NCOA2: variants seen among roughly 807,000 people sequenced by gnomAD.
NCOA2 encodes class E basic helix-loop-helix protein 75.
NCOA2 carries 21 observed loss-of-function variants against 145.1 expected under a neutral mutation model. The ratio of observed to expected loss-of-function variants is 0.14; its 90% CI spans 0.10 to 0.21. NCOA2 has a LOEUF of 0.21. NCOA2 is among the 10% of genes least tolerant of loss of function. NCOA2 has a pLI of 1.00. For missense variants in NCOA2, 1,472 were observed against 1,837.6 expected, an observed-to-expected ratio of 0.80 and a Z score of 3.64; for synonymous variants, 619 against 637.5, an observed-to-expected ratio of 0.97 and a Z score of 0.44.
chr8:70,441,931 A>G, the NCOA2 span, among the ~76,000 whole-genome samples: 4 of 146,906 alleles, frequency 2.7e-5, no homozygotes, highest in East Asian at 8.2e-4. Flanking sequence ...CAGGTGGGAG[A>G]AGAAGAAGAA....
At chr8:70,435,396 G>C in the NCOA2 span, among the ~76,000 whole-genome samples, 1 of 118,754 alleles carries the variant, frequency 8.4e-6, no homozygotes, top group African/African-American at 3.3e-5. Context: ...CTGCAGTCCA[G>C]CTTGGGCGAA....
At chr8:70,175,131 A>G (rs1237261238) in intron 4 of NCOA2, among the ~76,000 whole-genome samples, 1 of 152,210 alleles carries the variant, frequency 6.6e-6, no homozygotes, top group East Asian at 1.9e-4. Context: ...AGTCCCCAAC[A>G]GGCATTTTTT....
At chr8:70,361,997 C>G (rs1810247746) in intron 1 of NCOA2, among the ~76,000 whole-genome samples, 1 of 152,180 alleles carries the variant, frequency 6.6e-6, no homozygotes. Flanking sequence ...TCTTCAGTAG[C>G]TGTTAAAACA....
intron 2 of NCOA2, among the ~76,000 whole-genome samples, chr8:70,223,294 T>C (rs1190289926): frequency 6.6e-6 from 1 of 152,210 alleles, no homozygotes; most frequent in Non-Finnish European, 1.5e-5. Context: ...AATTTTGTTA[T>C]GAGATTAAAA....
chr8:70,342,362 A>G lies in NCOA2; in HGVS notation c.-76-45562T>C, dbSNP rs1051503659. 4.1e-4 allele frequency among the ~76,000 whole-genome samples: 62 copies of G among 152,174 alleles called. 1 individual carries two copies. The highest frequency in any genetic ancestry group is 2.6e-4 in the Admixed American group (4 of 15,280). On this transcript the variant is annotated intron_variant, in intron 1 of 22. Coordinates refer to ENST00000452400, the MANE Select transcript of NCOA2 (RefSeq NM_006540.4). ...AAGCTTCTCTTACTAAGTGGCTTTC[A>G]TAAGTCAACTTTGAAGTTTTCAGAA...
chr8:70,455,730 T>G, the NCOA2 span, among the ~76,000 whole-genome samples: 1 of 152,032 alleles, frequency 6.6e-6, no homozygotes, highest in Non-Finnish European at 1.5e-5. Context: ...TTTCAAAAGT[T>G]TCCAGATAAC....
chr8:70,125,070 C>G (rs950417158), intron 19 of NCOA2, among the ~76,000 whole-genome samples: 5 of 152,032 alleles, frequency 3.3e-5, no homozygotes, highest in African/African-American at 1.2e-4. Flanking sequence ...CATACTGATT[C>G]CCCTTAGTAG....
Position 70,398,483 on chromosome 8 carries a change from C to T in NCOA2, c.-77+5217G>A, listed in dbSNP as rs114051715. On this transcript the variant is annotated intron_variant, in intron 1 of 22. Transcript: ENST00000452400. ...CTCAAAATAATAATAATAATAACAA[C>T]AACAGCAAGACCAAAGTAAGATTTA... 5.9e-3 allele frequency among the ~76,000 whole-genome samples: 894 copies of T among 152,210 alleles called. 5 individuals carry two copies. The highest frequency in any genetic ancestry group is 0.02 in the African/African-American group (833 of 41,524).
chr8:70,313,208 T>C (rs1330953028), intron 1 of NCOA2, among the ~76,000 whole-genome samples: 1 of 152,180 alleles, frequency 6.6e-6, no homozygotes, highest in Non-Finnish European at 1.5e-5. Flanking sequence ...AAAGGCTAAT[T>C]AGCTAATCTG....
chr8:70,316,670 G>C (rs1036361134), intron 1 of NCOA2, among the ~76,000 whole-genome samples: 2 of 152,096 alleles, frequency 1.3e-5, no homozygotes, highest in Non-Finnish European at 2.9e-5. Flanking sequence ...AAACAGATCA[G>C]TTTTTTTCTG....
intron 3 of NCOA2, among the ~76,000 whole-genome samples, chr8:70,214,510 T>G (rs1426497259): frequency 6.6e-6 from 1 of 152,218 alleles, no homozygotes; most frequent in Non-Finnish European, 1.5e-5. Flanking sequence ...ATTTCAATAA[T>G]TTTTGGTAAA....
intron 4 of NCOA2, among the ~76,000 whole-genome samples, chr8:70,209,155 C>T (rs2133781993): frequency 6.6e-6 from 1 of 152,286 alleles, no homozygotes; most frequent in Middle Eastern, 3.4e-3. Flanking sequence ...GGAGGGATTC[C>T]TGACTTCAGT....
chr8:70,168,111 T>C lies in NCOA2; in HGVS notation c.542-1357A>G, dbSNP rs569642828. Among the ~76,000 whole-genome samples, 128 of 152,242 alleles carry C rather than the reference T, an allele frequency of 8.4e-4. 1 individual carries two copies. Among genetic ancestry groups the C allele is most frequent in the African/African-American group, 3.0e-3 (124 of 41,532 alleles). On this transcript the variant is annotated intron_variant, in intron 6 of 22. Coordinates refer to ENST00000452400, the MANE Select transcript of NCOA2 (RefSeq NM_006540.4). ...GCTAAAGAAAATGGAGAAGGACATGTAGGTGTTACAGCGAATCCAATGGCC... is the reference window on the plus strand; with the variant it reads ...GCTAAAGAAAATGGAGAAGGACATGCAGGTGTTACAGCGAATCCAATGGCC...
chr8:70,265,315 T>C (rs911240921), intron 2 of NCOA2, among the ~76,000 whole-genome samples: 4 of 152,210 alleles, frequency 2.6e-5, no homozygotes, highest in African/African-American at 7.2e-5. Context: ...GAGCTCTCAC[T>C]GGGATCCATG....
chr8:70,440,277 CAAGAAAAAAAA>C, the NCOA2 span, among the ~76,000 whole-genome samples: 7 of 149,578 alleles, frequency 4.7e-5, no homozygotes, highest in African/African-American at 1.7e-4. Context: ...ACTCCGTCTC[CAAGAAAAAAAA>C]AAGAAAGAAA....
At chr8:70,160,719 A>C (rs1022978519) in intron 9 of NCOA2, among the ~76,000 whole-genome samples, 5 of 136,232 alleles carry the variant, frequency 3.7e-5, no homozygotes, top group African/African-American at 1.1e-4. Context: ...TATAATGTGG[A>C]TTCTAATTTC....
At chr8:70,196,657 T>G (rs1817344681) in intron 4 of NCOA2, among the ~76,000 whole-genome samples, 1 of 152,240 alleles carries the variant, frequency 6.6e-6, no homozygotes, top group African/African-American at 2.4e-5. Flanking sequence ...ACAATATGTG[T>G]TAAAACTACC....
intron 1 of NCOA2, among the ~76,000 whole-genome samples, chr8:70,345,779 T>A (rs1808562858): frequency 6.6e-6 from 1 of 152,118 alleles, no homozygotes; most frequent in Admixed American, 6.5e-5. Flanking sequence ...TAAAATCAAA[T>A]AATGCCCAAA....
At chr8:70,197,030 G>A (rs1004529179) in intron 4 of NCOA2, among the ~76,000 whole-genome samples, 2 of 152,172 alleles carry the variant, frequency 1.3e-5, no homozygotes, top group African/African-American at 2.4e-5. Context: ...TGCAGTAGGC[G>A]TCTAAATGGG....
Sources: allele counts gnomAD v4.1 joint callset (sites outside exome capture counted in the v4.1 genomes callset), GRCh38; gene constraint gnomAD v4.1.1; transcripts MANE v1.5; gene names NCBI Gene and HGNC (gene_info 2026-07-23, HGNC 2026-07-21).